The following CDK14 variants were observed in gnomAD, a reference collection of about 807,000 sequenced individuals.
CDK14 encodes cyclin-dependent kinase 14.
CDK14 carries 34 observed loss-of-function variants against 60.7 expected under a neutral mutation model. That is an observed-to-expected ratio of 0.56 (90% CI 0.43 to 0.75). The LOEUF is 0.75. Ranked by LOEUF, CDK14 falls within the 30% of genes least tolerant of loss-of-function variation. The pLI is 0.00. For missense variants in CDK14, 482 were observed against 564.1 expected (o/e 0.85, Z 1.47); for synonymous variants, 197 against 203.7 (o/e 0.97, Z 0.28).
At chr7:90,744,584 C>T (rs1285670461) in intron 3 of CDK14, among the ~76,000 whole-genome samples, 5 of 150,540 alleles carry the variant, frequency 3.3e-5, no homozygotes, top group Admixed American at 1.3e-4. Context: ...CCAGTAGGGG[C>T]GGCCGGGCAG....
chr7:91,170,005 T>A (rs1266494095), intron 14 of CDK14, among the ~76,000 whole-genome samples: 1 of 152,234 alleles, frequency 6.6e-6, no homozygotes, highest in Non-Finnish European at 1.5e-5. Context: ...TAAATTGAGG[T>A]ACCTTCCACA....
intron 2 of CDK14, among the ~76,000 whole-genome samples, chr7:90,725,548 T>C (rs1282525324): frequency 1.3e-5 from 2 of 152,196 alleles, no homozygotes; most frequent in East Asian, 1.9e-4. Context: ...CAGTGTGGGC[T>C]TTTCATAAAT....
At chr7:90,730,259 T>C (rs1802810800) in intron 3 of CDK14, among the ~76,000 whole-genome samples, 2 of 152,224 alleles carry the variant, frequency 1.3e-5, no homozygotes, top group Admixed American at 1.3e-4. Context: ...CTATCTTTGA[T>C]GGGCATTTGG....
chr7:90,835,939 A>T (rs989817376), intron 5 of CDK14, among the ~76,000 whole-genome samples: 1 of 152,206 alleles, frequency 6.6e-6, no homozygotes, highest in Non-Finnish European at 1.5e-5. Context: ...TTGTAACACA[A>T]TGGTAAGTAT....
chr7:91,036,677 T>C (rs771858720), intron 10 of CDK14, among the ~76,000 whole-genome samples: 9 of 152,218 alleles, frequency 5.9e-5, no homozygotes, highest in Non-Finnish European at 1.3e-4. Context: ...TTGATTTTCC[T>C]AATATTCTTT....
chr7:90,891,999 TAAAG>T (rs1792143285), intron 6 of CDK14, among the ~76,000 whole-genome samples: 1 of 152,168 alleles, frequency 6.6e-6, no homozygotes, highest in Non-Finnish European at 1.5e-5. Flanking sequence ...TAATGTTAGG[TAAAG>T]AGAAACATAA....
chr7:91,035,982 T>G (rs1289402211), intron 10 of CDK14, among the ~76,000 whole-genome samples: 3 of 152,044 alleles, frequency 2.0e-5, no homozygotes, highest in Non-Finnish European at 4.4e-5. Context: ...TAGCTGGGAC[T>G]ACAGGCGCCT....
chr7:90,596,817 T>A, intron 1 of CDK14, 99 bp downstream of exon 1: 2 of 979,850 alleles, frequency 2.0e-6, no homozygotes, highest in Non-Finnish European at 3.1e-6. Flanking sequence ...CCAGCGGGGC[T>A]GGCGTGGGGT....
chr7:90,979,690 G>A (rs1026096151), intron 9 of CDK14: 3 of 152,112 alleles, frequency 2.0e-5, no homozygotes, highest in Non-Finnish European at 4.4e-5. Context: ...AATGTTCATC[G>A]TCATGCTAGA....
rs199869627 is a variant in CDK14, at chr7:90,907,361, T to C, written c.702+8008T>C. On this transcript the variant is annotated intron_variant, in intron 7 of 14. Coordinates refer to ENST00000380050, the MANE Select transcript of CDK14 (RefSeq NM_001287135.2). ...TGACCATTGCACTTTCACAAATGAC[T>C]ATAATGGTCTAAATTTCATCCTTTA... is the stretch of plus-strand genomic sequence containing the variant. Among the ~76,000 whole-genome samples the C allele has an allele frequency of 8.5e-5, 13 of 152,222 alleles. No individual in the cohort carries two copies. The East Asian group carries it at 2.5e-3, about 29-fold the overall frequency.
At chr7:90,645,880 A>G (rs547178746) in intron 2 of CDK14, among the ~76,000 whole-genome samples, 2 of 152,354 alleles carry the variant, frequency 1.3e-5, no homozygotes, top group South Asian at 4.1e-4. Flanking sequence ...CACAGTGAGA[A>G]TAATTAACAG....
At chr7:90,687,694 C>G (rs1305819479) in intron 2 of CDK14, among the ~76,000 whole-genome samples, 1 of 152,050 alleles carries the variant, frequency 6.6e-6, no homozygotes, top group African/African-American at 2.4e-5. Context: ...GGGTAAGAGT[C>G]TCCTTCTCAC....
At position 91,004,897 on chromosome 7, in the gene CDK14, G is replaced by C. The variant is rs962977245; in HGVS notation, c.1041+20656G>C. ...TTTACAAGGGATTTGCTACTAAAAG[G>C]ATATAAAAGAAAAATCTGAAGAATA... On this transcript the variant is annotated intron_variant, in intron 10 of 14. Coordinates refer to ENST00000380050, the MANE Select transcript of CDK14 (RefSeq NM_001287135.2). Among the ~76,000 whole-genome samples, 5 of 152,166 alleles carry C rather than the reference G, an allele frequency of 3.3e-5. No homozygotes were observed. In the East Asian group the frequency reaches 9.6e-4, roughly 29 times the overall value.
chr7:90,660,238 C>T (rs1800841626), intron 2 of CDK14, among the ~76,000 whole-genome samples: 2 of 152,084 alleles, frequency 1.3e-5, no homozygotes, highest in African/African-American at 4.8e-5. Context: ...CAAATATTGG[C>T]TCTACCATTT....
chr7:90,705,087 C>T (rs1801869107), intron 2 of CDK14, among the ~76,000 whole-genome samples: 1 of 151,756 alleles, frequency 6.6e-6, no homozygotes, highest in African/African-American at 2.4e-5. Context: ...GAATTATAAT[C>T]ATTTGAAAAG....
intron 8 of CDK14, among the ~76,000 whole-genome samples, chr7:90,926,903 C>T (rs1355090306): frequency 1.3e-5 from 2 of 152,070 alleles, no homozygotes; most frequent in Non-Finnish European, 2.9e-5. Flanking sequence ...GCTAGAATGG[C>T]TCACAGCACT....
chr7:91,004,455 G>C lies in CDK14; in HGVS notation c.1041+20214G>C, dbSNP rs199893868. On this transcript the variant is annotated intron_variant, in intron 10 of 14. Coordinates refer to ENST00000380050, the MANE Select transcript of CDK14 (RefSeq NM_001287135.2). ...GTACAAGTAACCAATCTACTGGGGAGTGGTATTGGTGAGGGGCATTTCCAA... is the reference window on the plus strand; with the variant it reads ...GTACAAGTAACCAATCTACTGGGGACTGGTATTGGTGAGGGGCATTTCCAA... 8.5e-5 allele frequency among the ~76,000 whole-genome samples: 13 copies of C among 152,324 alleles called. No homozygotes were observed. In the East Asian group the frequency reaches 2.5e-3, roughly 29 times the overall value.
intron 14 of CDK14, among the ~76,000 whole-genome samples, chr7:91,152,813 C>T (rs1249909537): frequency 6.6e-6 from 1 of 152,152 alleles, no homozygotes; most frequent in Non-Finnish European, 1.5e-5. Context: ...AACTCTAGCA[C>T]ATAAATGTGG....
chr7:90,691,842 A>G (rs1801559041), intron 2 of CDK14, among the ~76,000 whole-genome samples: 1 of 152,156 alleles, frequency 6.6e-6, no homozygotes, highest in Non-Finnish European at 1.5e-5. Context: ...TTGCTAACAG[A>G]TTGGATATCA....
Sources: gnomAD v4.1 joint callset for allele counts (sites outside exome capture counted in the v4.1 genomes callset) on GRCh38, gnomAD v4.1.1 for gene constraint, MANE v1.5 for transcripts, NCBI Gene and HGNC (gene_info 2026-07-23, HGNC 2026-07-21) for gene names.